The following WDR27 variants were observed in gnomAD, a reference collection of about 807,000 sequenced individuals.
WDR27 encodes the protein WD repeat-containing protein 27.
A neutral mutation model predicts 114.4 loss-of-function variants in WDR27; 100 were observed. That is an observed-to-expected ratio of 0.87 (90% CI 0.74 to 1.03). WDR27 has a LOEUF of 1.03. WDR27 is among the 50% of genes least tolerant of loss of function. WDR27 has a pLI of 0.00. For synonymous variants in WDR27, 449 were observed against 423.1 expected, an observed-to-expected ratio of 1.06 and a Z score of -0.75; for missense variants, 1,129 against 1,092.9, an observed-to-expected ratio of 1.03 and a Z score of -0.47.
At chr6:169,501,925 C>T (rs559075169) in intron 25 of WDR27, among the ~76,000 whole-genome samples, 1 of 152,330 alleles carries the variant, frequency 6.6e-6, no homozygotes, top group African/African-American at 2.4e-5. Flanking sequence ...CAGATCTTTC[C>T]ACTCACACTA....
At chr6:169,624,984 T>G (rs551893640) in intron 21 of WDR27, among the ~76,000 whole-genome samples, 6 of 152,216 alleles carry the variant, frequency 3.9e-5, no homozygotes, top group Non-Finnish European at 8.8e-5. Context: ...GCCCATCCAC[T>G]GAGGGGACCT....
At chr6:169,498,839 G>A (rs943458542) in intron 25 of WDR27, among the ~76,000 whole-genome samples, 12 of 152,280 alleles carry the variant, frequency 7.9e-5, no homozygotes, top group African/African-American at 1.2e-4. Context: ...GGGAGCGTGC[G>A]TGGTTTAAAA....
intron 24 of WDR27, among the ~76,000 whole-genome samples, chr6:169,578,812 A>G (rs1295562005): frequency 1.3e-5 from 2 of 152,236 alleles, no homozygotes; most frequent in East Asian, 1.9e-4. Flanking sequence ...TGTAAAATAC[A>G]CAGGACTAAT....
chr6:169,511,734 C>G (rs1351811165), intron 25 of WDR27, among the ~76,000 whole-genome samples: 2 of 152,032 alleles, frequency 1.3e-5, no homozygotes, highest in African/African-American at 4.8e-5. Flanking sequence ...TAGATAATAT[C>G]TGAGTACCCA....
intron 21 of WDR27, among the ~76,000 whole-genome samples, chr6:169,614,110 G>C (rs569911320): frequency 3.4e-4 from 51 of 152,196 alleles, no homozygotes; most frequent in African/African-American, 1.1e-3. Flanking sequence ...AACTCCCACG[G>C]GGCCTCGAGT....
Position 169,688,896 on chromosome 6 carries a change from G to A in WDR27, c.110C>T (p.Ala37Val), listed in dbSNP as rs758501333. ...SKESVSHVQLACSMQDCAFPL... is the reference protein window; with the variant it reads ...SKESVSHVQLVCSMQDCAFPL... ...GAAAGCACAGTCCTGCATGCTGCAA[G>A]CAAGCTGAACATGAGACACAGACTC... is the stretch of plus-strand genomic sequence containing the variant. Residue 37 changes from alanine (A) to valine (V), a missense_variant, in exon 2 of 26, where the codon GCT becomes GTT. Physicochemically the swap from Ala to Val is moderately conservative, Grantham distance 64 (BLOSUM62 0). Transcript: ENST00000448612. 1 of 1,613,918 alleles carries A rather than the reference G, an allele frequency of 6.2e-7. No individual in the cohort carries two copies. Among genetic ancestry groups the A allele is most frequent in the South Asian group, 1.1e-5 (1 of 91,072 alleles).
chr6:169,552,171 G>A (rs140237102), intron 25 of WDR27, among the ~76,000 whole-genome samples: 14 of 152,138 alleles, frequency 9.2e-5, no homozygotes, highest in South Asian at 4.1e-4. Context: ...TGTTCTCATC[G>A]TCCCACCACC....
rs149801509 is a variant in WDR27, at chr6:169,695,441, C to A, written c.-8+6110G>T. On this transcript the variant is annotated intron_variant, in intron 1 of 25. Transcript: ENST00000448612. ...AACATCAACTGTGGCTTCCTCTAGG[C>A]ATTGCACCAAAATTTCTTTCAAGTA... Among the ~76,000 whole-genome samples, 250 of 152,316 alleles carry A rather than the reference C, an allele frequency of 1.6e-3. 1 individual carries two copies. Among genetic ancestry groups the A allele is most frequent in the African/African-American group, 5.7e-3 (239 of 41,570 alleles).
At chr6:169,658,795 T>G (rs886422043) in intron 12 of WDR27, among the ~76,000 whole-genome samples, 12 of 151,926 alleles carry the variant, frequency 7.9e-5, no homozygotes, top group Non-Finnish European at 1.3e-4. Context: ...ACCATTCTTC[T>G]GCCTCAGCCT....
intron 16 of WDR27, among the ~76,000 whole-genome samples, chr6:169,646,653 CAGG>C (rs1162033318): frequency 6.6e-6 from 1 of 150,736 alleles, no homozygotes; most frequent in African/African-American, 2.4e-5. Context: ...GACGCTGAGG[CAGG>C]AGAATCACTT....
chr6:169,688,359 T>C (rs1018593972), intron 2 of WDR27, among the ~76,000 whole-genome samples: 3 of 152,280 alleles, frequency 2.0e-5, no homozygotes, highest in East Asian at 1.9e-4. Context: ...TGTTGCCTTT[T>C]GGGGAGGAGA....
intron 25 of WDR27, among the ~76,000 whole-genome samples, chr6:169,497,274 T>C (rs1790525792): frequency 6.6e-6 from 1 of 152,014 alleles, no homozygotes; most frequent in Non-Finnish European, 1.5e-5. Context: ...ACTAACAAAG[T>C]GCGCCAAAGG....
chr6:169,651,178 CGGGGCGG>C (rs1225372400), intron 14 of WDR27, among the ~76,000 whole-genome samples: 1 of 3,394 alleles, frequency 2.9e-4, no homozygotes, highest in African/African-American at 2.1e-3. Context: ...CACAGCAGTG[CGGGGCGG>C]GGGGGGGGAG....
intron 25 of WDR27, among the ~76,000 whole-genome samples, chr6:169,461,654 A>G (rs1166985732): frequency 6.6e-6 from 1 of 151,290 alleles, no homozygotes; most frequent in Non-Finnish European, 1.5e-5. Context: ...TATTAAAAAA[A>G]AAACAAAACA....
intron 13 of WDR27, among the ~76,000 whole-genome samples, chr6:169,656,997 T>C (rs1404857119): frequency 6.6e-6 from 1 of 152,186 alleles, no homozygotes; most frequent in Admixed American, 6.5e-5. Flanking sequence ...TTCTCAGAAC[T>C]GTCCCCATGG....
intron 24 of WDR27, among the ~76,000 whole-genome samples, chr6:169,575,647 T>G (rs1408259782): frequency 1.3e-5 from 2 of 152,216 alleles, no homozygotes; most frequent in African/African-American, 4.8e-5. Context: ...ACACATGCAC[T>G]TTACATGTTA....
At chr6:169,664,441 A>G (rs1827197047) in intron 7 of WDR27, 155 bp from the exon 8 acceptor site, 2 of 1,500,134 alleles carry the variant, frequency 1.3e-6, no homozygotes, top group Admixed American at 2.2e-5. Context: ...CCTGCCTTCA[A>G]CATCCCCTCT....
chr6:169,624,164 T>TGGCGTCAGGTGTGC (rs1562729309), intron 21 of WDR27, among the ~76,000 whole-genome samples: 1 of 135,708 alleles, frequency 7.4e-6, no homozygotes, highest in African/African-American at 3.0e-5. Context: ...GTCAGGTGTG[T>TGGCGTCAGGTGTGC]GGCGTCAGGT....
Position 169,602,340 on chromosome 6 carries a change from C to T in WDR27, c.2322-19G>A. The T allele has an allele frequency of 6.8e-7, 1 of 1,475,646 alleles. No homozygotes were observed. The highest frequency in any genetic ancestry group is 9.2e-7 in the Non-Finnish European group (1 of 1,085,400). 91.4% of individuals were successfully genotyped at this position (1,475,646 alleles called of 1,614,324 possible). A position where few individuals can be genotyped will look rare whatever the true frequency, so the allele number is the denominator to read the frequency against. On this transcript the variant is annotated intron_variant, in intron 22 of 25. Coordinates refer to ENST00000448612, the MANE Select transcript of WDR27 (RefSeq NM_182552.5). ...CTCACACCTACAGGGAGGAAAGAAA[C>T]ACCAGGAGAAAAATCATTTTAAAAT...
Sources: gnomAD v4.1 joint callset for allele counts (sites outside exome capture counted in the v4.1 genomes callset) on GRCh38, gnomAD v4.1.1 for gene constraint, MANE v1.5 for transcripts, NCBI Gene and HGNC (gene_info 2026-07-23, HGNC 2026-07-21) for gene names.